Variants in DEPDC4 observed in about 807,000 individuals in gnomAD.
DEPDC4 encodes DEP domain containing 4, also known as DEP domain-containing protein 4.
A neutral mutation model predicts 52.0 loss-of-function variants in DEPDC4; 52 were observed. The ratio of observed to expected loss-of-function variants is 1.00; its 90% CI spans 0.80 to 1.26. The LOEUF (loss-of-function observed/expected upper bound fraction) is 1.26, where lower values mean the gene tolerates loss of function less well. Ranked by LOEUF, DEPDC4 falls within the 50% of genes most tolerant of loss-of-function variation. DEPDC4 has a pLI of 0.00. For synonymous variants in DEPDC4, 201 were observed against 196.8 expected, an observed-to-expected ratio of 1.02 and a Z score of -0.18; for missense variants, 530 against 546.9, an observed-to-expected ratio of 0.97 and a Z score of 0.31.
rs2096210837 is a variant in DEPDC4 at position 100,252,177 on chromosome 12, T to C, written c.1373A>G (p.Lys458Arg). ...FPLEYHSELF[K>R]TPVTLLDLVS... ...GCCCAGGCAAAATGCCAGAGATACC[T>C]TGAAGAGCTCAGAGTGGTACTCCAG... The change falls in exon 7 of 10, where the codon AAG becomes AGG. Residue 458 changes from lysine to arginine, a missense_variant and splice_region_variant. Lys to Arg is a conservative substitution (Grantham distance 26). Transcript: ENST00000550587. 9.9e-6 allele frequency: 12 copies of C among 1,211,350 alleles called. No homozygotes were observed. Among genetic ancestry groups the C allele is most frequent in the East Asian group, 5.2e-5 (1 of 19,228 alleles). 75.0% of individuals were successfully genotyped at this position (1,211,350 alleles called of 1,614,324 possible).
In DEPDC4 at chr12:100,266,876, C is replaced by T. The variant is rs767684478; in HGVS notation, c.157+44G>A. The T allele has an allele frequency of 2.2e-5, 35 of 1,587,822 alleles. No homozygotes were observed. In the Admixed American group the frequency reaches 2.6e-4, roughly 12 times the overall value. On this transcript the variant is annotated intron_variant, in intron 1 of 9. Coordinates refer to ENST00000550587, the MANE Select transcript of DEPDC4 (RefSeq NM_001364818.2). ...CAGCCGCCTGCTCCCTTCAGCTGCCCCCTCCACCTTCACTGCACATTTGGC... is the reference window on the plus strand; with the variant it reads ...CAGCCGCCTGCTCCCTTCAGCTGCCTCCTCCACCTTCACTGCACATTTGGC...
At chr12:100,278,642 T>G in the DEPDC4 span, among the ~76,000 whole-genome samples, 2 of 150,728 alleles carry the variant, frequency 1.3e-5, no homozygotes, top group African/African-American at 4.9e-5. Context: ...TTTTTTTTTT[T>G]TTTTTTGAGA....
At chr12:100,262,134 A>G in intron 3 of DEPDC4, 130 bp downstream of exon 3, 1 of 831,974 alleles carries the variant, frequency 1.2e-6, no homozygotes, top group Non-Finnish European at 1.8e-6. Context: ...TGTGAGTGGA[A>G]GCAAGGGGTA....
At chr12:100,279,684 A>T in the DEPDC4 span, among the ~76,000 whole-genome samples, 2 of 152,330 alleles carry the variant, frequency 1.3e-5, no homozygotes, top group South Asian at 2.1e-4. Flanking sequence ...TTACCCCACT[A>T]TTAAGGCATG....
the DEPDC4 span, among the ~76,000 whole-genome samples, chr12:100,278,212 G>T: frequency 0.27 from 40,739 of 151,686 alleles, 5,973 homozygotes; most frequent in African/African-American, 0.36. Flanking sequence ...GTTTTGTTTT[G>T]TTTTAGAGAG....
At position 100,252,455 on chromosome 12, in the gene DEPDC4, C is replaced by T. The variant is rs763481711; in HGVS notation, c.1187G>A (p.Arg396Gln). 5.6e-6 allele frequency: 9 copies of T among 1,605,316 alleles called. No homozygotes were observed. The highest frequency in any genetic ancestry group is 3.3e-5 in the South Asian group (3 of 90,922). ...LLLLNIREEL[R>Q]RLLTFMAMAS... ...CATTGCCATAAAAGTAAGTAGCCGT[C>T]GTAATTCTTCTCTAATGTTCAGCAA... The change falls in exon 6 of 10, where the codon CGA becomes CAA. Residue 396 changes from arginine to glutamine, a missense_variant. Coordinates refer to ENST00000550587, the MANE Select transcript of DEPDC4 (RefSeq NM_001364818.2).
intron 3 of DEPDC4, among the ~76,000 whole-genome samples, chr12:100,259,619 T>G (rs971310771): frequency 1.3e-5 from 2 of 152,152 alleles, no homozygotes; most frequent in Non-Finnish European, 2.9e-5. Context: ...CTAATTATAT[T>G]AAAAGATGGG....
chr12:100,251,062 G>A (rs1226775055), intron 7 of DEPDC4, among the ~76,000 whole-genome samples: 1 of 152,092 alleles, frequency 6.6e-6, no homozygotes, highest in Non-Finnish European at 1.5e-5. Context: ...TCACAGAACT[G>A]TTACAAAATT....
At position 100,251,731 on chromosome 12, in the gene DEPDC4, C is replaced by T. The variant is rs190153126; in HGVS notation, c.1374+445G>A. Among the ~76,000 whole-genome samples, 610 of 152,236 alleles carry T rather than the reference C, an allele frequency of 4.0e-3. 5 individuals carry two copies. Among genetic ancestry groups the T allele is most frequent in the Middle Eastern group, 0.014 (4 of 294 alleles). On this transcript the variant is annotated intron_variant, in intron 7 of 9. Transcript: ENST00000550587. ...TACAGGCACGCGCCACCACACCTGG[C>T]TAATTTTTGTATTTTTAGTAGAGAC...
the DEPDC4 span, among the ~76,000 whole-genome samples, chr12:100,275,253 G>C: frequency 6.6e-6 from 1 of 151,688 alleles, no homozygotes; most frequent in Admixed American, 6.6e-5. Context: ...CCAGGCTGGA[G>C]TGCATTAGTG....
rs112390814 is a variant in DEPDC4, at chr12:100,259,646, C to T, written c.700+2618G>A. On this transcript the variant is annotated intron_variant, in intron 3 of 9. Transcript: ENST00000550587. ...AAAGATGGGGGCATAGGGAAGTATT[C>T]GTAAGATAGATACAGGGAGGGAAAG... Among the ~76,000 whole-genome samples, 427 of 152,142 alleles carry T rather than the reference C, an allele frequency of 2.8e-3. 2 individuals carry two copies. The highest frequency in any genetic ancestry group is 9.9e-3 in the African/African-American group (410 of 41,486).
chr12:100,273,251 T>C, the DEPDC4 span, among the ~76,000 whole-genome samples: 4 of 152,176 alleles, frequency 2.6e-5, no homozygotes, highest in Non-Finnish European at 5.9e-5. Flanking sequence ...TGGTTTTTGC[T>C]TTGTGATTTT....
rs1310570013 is a variant in DEPDC4, at chr12:100,256,125, G to A, written c.802C>T (p.Leu268=). Residue 268 remains leucine, a synonymous_variant, in exon 4 of 10, where the codon CTA becomes TTA. Transcript: ENST00000550587. ...EPPVKTQNLQ[L]NKEEDLVITN... Reference sequence around the variant, plus strand: ...ATAACAAGATCTTCCTCTTTGTTTAGTTGAAGATTTTGTGTTTTAACTGGA... The same window carrying A: ...ATAACAAGATCTTCCTCTTTGTTTAATTGAAGATTTTGTGTTTTAACTGGA... The A allele has an allele frequency of 1.2e-6, 2 of 1,613,152 alleles. No individual in the cohort carries two copies. The highest frequency in any genetic ancestry group is 1.7e-6 in the Non-Finnish European group (2 of 1,179,460).
chr12:100,263,987 A>C (rs1333395575), intron 1 of DEPDC4, 94 bp from the exon 2 acceptor site: 2 of 1,121,910 alleles, frequency 1.8e-6, no homozygotes, highest in Non-Finnish European at 2.5e-6. Context: ...TGTTGAAGGC[A>C]TATCTGCTGG....
At chr12:100,267,101 G>T, upstream of DEPDC4, 1 of 1,609,534 alleles carries the variant, frequency 6.2e-7, no homozygotes, top group Non-Finnish European at 8.5e-7. Flanking sequence ...TGACACCCGG[G>T]GCGGAGAGAA....
At chr12:100,254,412 G>A (rs1037562777) in intron 4 of DEPDC4, among the ~76,000 whole-genome samples, 9 of 137,214 alleles carry the variant, frequency 6.6e-5, no homozygotes, top group African/African-American at 1.9e-4. Context: ...TGCAACATCT[G>A]CCTCCTGGGC....
In DEPDC4 at chr12:100,252,229, G is replaced by A. The variant is rs61749069; in HGVS notation, c.1321C>T (p.Arg441Trp). 3.3e-4 allele frequency: 436 copies of A among 1,321,594 alleles called. 1 individual carries two copies. The African/African-American group carries it at 5.8e-3, about 17-fold the overall frequency. 81.9% of individuals were successfully genotyped at this position (1,321,594 alleles called of 1,614,324 possible). A position where few individuals can be genotyped will look rare whatever the true frequency, so the allele number is the denominator to read the frequency against. ...GGAAACCAGACCAGTTGTTCTGCCC[G>A]CACTTTTAATAATGATTTGGCTTGC... ...VLQAKSLLKV[R>W]AEQLVWFPLE... Residue 441 changes from arginine (R) to tryptophan (W), a missense_variant, in exon 7 of 10, where the codon CGG (arginine) becomes TGG (tryptophan). Coordinates refer to ENST00000550587, the MANE Select transcript of DEPDC4 (RefSeq NM_001364818.2).
At chr12:100,272,928 AC>A in the DEPDC4 span, among the ~76,000 whole-genome samples, 2 of 152,142 alleles carry the variant, frequency 1.3e-5, no homozygotes, top group South Asian at 2.1e-4. Flanking sequence ...CCTTTGAAAT[AC>A]CTCCTTTACC....
chr12:100,243,360 A>AC (rs1835913700), intron 8 of DEPDC4, among the ~76,000 whole-genome samples: 1 of 152,046 alleles, frequency 6.6e-6, no homozygotes, highest in African/African-American at 2.4e-5. Flanking sequence ...AACTCCCCTA[A>AC]CCATCTATTT....
Sources: allele counts gnomAD v4.1 joint callset (sites outside exome capture counted in the v4.1 genomes callset), GRCh38; gene constraint gnomAD v4.1.1; transcripts MANE v1.5; gene names NCBI Gene and HGNC (gene_info 2026-07-23, HGNC 2026-07-21).